The following ZFYVE27 variants were observed in gnomAD, a reference collection of about 807,000 sequenced individuals.
ZFYVE27 encodes the protein protrudin.
Under a neutral mutation model 52.8 loss-of-function variants are expected in ZFYVE27, and 36 were observed. That is an observed-to-expected ratio of 0.68 (90% CI 0.52 to 0.90). The LOEUF (loss-of-function observed/expected upper bound fraction) is 0.90. Among genes scored for constraint, ZFYVE27 ranks in the 40% least tolerant of loss-of-function variants. The probability of loss-of-function intolerance (pLI) is 0.00; values close to 1 mark genes in which losing one functional copy is unlikely to be tolerated. For missense variants in ZFYVE27, 450 were observed against 527.2 expected (o/e 0.85, Z 1.43); for synonymous variants, 223 against 215.6 (o/e 1.03, Z -0.30).
intron 3 of ZFYVE27, among the ~76,000 whole-genome samples, chr10:97,744,165 T>C (rs2044520682): frequency 6.6e-6 from 1 of 152,258 alleles, no homozygotes; most frequent in Admixed American, 6.5e-5. Flanking sequence ...GACAGATGTT[T>C]AGTAAGCATT....
chr10:97,739,088 A>C (rs2042877184), intron 2 of ZFYVE27, among the ~76,000 whole-genome samples: 1 of 127,272 alleles, frequency 7.9e-6, no homozygotes. Context: ...ATAAGCAGAT[A>C]CCATTTTCAC....
intron 4 of ZFYVE27, 133 bp from the exon 5 acceptor site, chr10:97,748,136 C>A (rs1022116963): frequency 1.1e-5 from 9 of 853,450 alleles, no homozygotes; most frequent in Admixed American, 2.0e-5. Flanking sequence ...TCTCTCGACT[C>A]CTCTCTCTTT....
rs12244954 is a variant in ZFYVE27, at chr10:97,758,568, C to T, written c.1172-668C>T. On this transcript the variant is annotated intron_variant, in intron 12 of 12. Transcript: ENST00000684270. ...AACTCCTGACCTCAGGTGATCTGCC[C>T]GCCTCGGCCTCCCAAAGTGCTGGGA... Among the ~76,000 whole-genome samples the T allele has an allele frequency of 3.5e-3, 530 of 152,186 alleles. 4 individuals carry two copies. The highest frequency in any genetic ancestry group is 0.022 in the South Asian group (108 of 4,828).
intron 4 of ZFYVE27, among the ~76,000 whole-genome samples, chr10:97,746,017 A>G (rs1308962513): frequency 1.4e-5 from 2 of 142,930 alleles, no homozygotes; most frequent in African/African-American, 5.3e-5. Flanking sequence ...ATAGTTTTAT[A>G]TATATATACA....
chr10:97,739,892 T>TGTTTTTTG (rs1386575374), intron 2 of ZFYVE27, among the ~76,000 whole-genome samples: 6 of 151,786 alleles, frequency 4.0e-5, no homozygotes, highest in African/African-American at 1.2e-4. Context: ...AGTGTTTTTT[T>TGTTTTTTG]TTTTTTTTGC....
intron 10 of ZFYVE27, among the ~76,000 whole-genome samples, chr10:97,756,036 G>T (rs1039280022): frequency 1.3e-5 from 2 of 152,208 alleles, no homozygotes; most frequent in African/African-American, 4.8e-5. Flanking sequence ...CCACTTGGCT[G>T]CCCTGGGGTG....
intron 10 of ZFYVE27, 188 bp from the exon 11 acceptor site, chr10:97,757,075 CAG>C: frequency 8.8e-6 from 6 of 683,558 alleles, no homozygotes; most frequent in Non-Finnish European, 1.5e-5. Flanking sequence ...CATCAGTCCT[CAG>C]GGGCTATCAG....
At chr10:97,738,988 T>A in intron 2 of ZFYVE27, 1 of 296,480 alleles carries the variant, frequency 3.4e-6, no homozygotes. Context: ...AGGCTTAATT[T>A]TTTCCTTTGC....
chr10:97,759,524 C>A lies in ZFYVE27; in HGVS notation c.*224C>A. ...CTCTCAATCCCTTGAGGGAGAAGAG[C>A]CCCTGGAGGGCCTGGCATGTTTGTC... On this transcript the variant is annotated 3_prime_UTR_variant, in exon 13 of 13. Coordinates refer to ENST00000684270, the MANE Select transcript of ZFYVE27 (RefSeq NM_001385875.1). 1.6e-6 allele frequency: 1 copy of A among 616,632 alleles called. No homozygotes were observed. The highest frequency in any genetic ancestry group is 1.8e-5 in the South Asian group (1 of 55,912). The allele number at this position is 616,632 out of a possible 1,614,324, so 38.2% of individuals were successfully genotyped here. A position where few individuals can be genotyped will look rare whatever the true frequency, so the allele number is the denominator to read the frequency against.
intron 12 of ZFYVE27, 30 bp downstream of exon 12, chr10:97,757,753 G>A (rs369298275): frequency 8.4e-5 from 136 of 1,610,118 alleles, no homozygotes; most frequent in Non-Finnish European, 1.1e-4. Flanking sequence ...GGAGGGCTTG[G>A]TTGGTATCCC....
Position 97,750,316 on chromosome 10 carries a change from C to T in ZFYVE27, c.665-15C>T, listed in dbSNP as rs371746706. 1.9e-6 allele frequency: 3 copies of T among 1,613,722 alleles called. No homozygotes were observed. In the African/African-American group the frequency reaches 4.0e-5, roughly 22 times the overall value. On this transcript the variant is annotated splice_polypyrimidine_tract_variant and intron_variant, in intron 6 of 12. Coordinates refer to ENST00000684270, the MANE Select transcript of ZFYVE27 (RefSeq NM_001385875.1). ...TCATTTTTGCCTCCTACCTTGTTCT[C>T]CATTCCCTGGGTAGTTGTGTCTGAG... is the stretch of plus-strand genomic sequence containing the variant.
In ZFYVE27 at chr10:97,745,422, G is replaced by A. The variant is rs566689526; in HGVS notation, c.455+507G>A. ...TCTCGATCTCTTGACCTTGTGATCC[G>A]CCCGCCTCGGCCTCCCAAAATGCTG... On this transcript the variant is annotated intron_variant, in intron 4 of 12. Transcript: ENST00000684270. Among the ~76,000 whole-genome samples, 271 of 151,960 alleles carry A rather than the reference G, an allele frequency of 1.8e-3. 4 individuals are homozygous for A. Among genetic ancestry groups the A allele is most frequent in the African/African-American group, 6.0e-3 (248 of 41,354 alleles).
chr10:97,751,275 T>G, intron 7 of ZFYVE27, 116 bp from the exon 8 acceptor site: 1 of 1,138,228 alleles, frequency 8.8e-7, no homozygotes, highest in Non-Finnish European at 1.3e-6. Context: ...TTTCTTGCCA[T>G]TGTGCCATTT....
Position 97,759,824 on chromosome 10 carries a change from ATTTCCCCAT to A in ZFYVE27, c.*525_*533del. On this transcript the variant is annotated 3_prime_UTR_variant, in exon 13 of 13. Transcript: ENST00000684270. ...TCCCTCCAGGCACCAGGATCTCATC[ATTTCCCCAT>A]CAGAGGGTGTGGCCAGGCCTAACAA... 5.4e-6 allele frequency: 1 copy of A among 185,954 alleles called. No homozygotes were observed. The highest frequency in any genetic ancestry group is 1.2e-4 in the South Asian group (1 of 8,548). 11.5% of individuals were successfully genotyped at this position (185,954 alleles called of 1,614,324 possible). A position where few individuals can be genotyped will look rare whatever the true frequency, so the allele number is the denominator to read the frequency against.
chr10:97,759,136 G>C (rs577993065), intron 12 of ZFYVE27, 100 bp from the exon 13 acceptor site: 3 of 1,265,692 alleles, frequency 2.4e-6, no homozygotes, highest in Admixed American at 1.8e-5. Flanking sequence ...GGGCTGGGTG[G>C]GGGGTCTGTG....
intron 4 of ZFYVE27, among the ~76,000 whole-genome samples, chr10:97,745,464 C>T (rs1284117134): frequency 1.3e-5 from 2 of 152,176 alleles, no homozygotes; most frequent in African/African-American, 4.8e-5. Flanking sequence ...CAGGCGTGAG[C>T]CACCACGCCT....
At chr10:97,744,639 A>C in intron 3 of ZFYVE27, 90 bp from the exon 4 acceptor site, 3 of 1,482,182 alleles carry the variant, frequency 2.0e-6, no homozygotes, top group Non-Finnish European at 2.8e-6. Context: ...AGAGCCCTGG[A>C]GGAGGTGAGG....
In ZFYVE27 at chr10:97,756,181, C is replaced by T. The variant is rs570785197; in HGVS notation, c.1043-1084C>T. Among the ~76,000 whole-genome samples the T allele has an allele frequency of 9.9e-5, 15 of 152,282 alleles. No individual in the cohort carries two copies. In the South Asian group the frequency reaches 2.9e-3, roughly 29 times the overall value. ...GAGAGGCTGGGGCAGGCTGCCTTCCCCAAATTCTTGGTGTAGGGACAGAAT... is the reference window on the plus strand; with the variant it reads ...GAGAGGCTGGGGCAGGCTGCCTTCCTCAAATTCTTGGTGTAGGGACAGAAT... On this transcript the variant is annotated intron_variant, in intron 10 of 12. Transcript: ENST00000684270.
chr10:97,747,676 T>A lies in ZFYVE27; in HGVS notation c.456-593T>A, dbSNP rs1245731557. Reference sequence around the variant, plus strand: ...CTCTTGTTTGCATTGGTCCCTGTCATTTTTGAATGCTTCCTTTATGGTACA... The same window carrying A: ...CTCTTGTTTGCATTGGTCCCTGTCAATTTTGAATGCTTCCTTTATGGTACA... On this transcript the variant is annotated intron_variant, in intron 4 of 12. Transcript: ENST00000684270. 2.0e-5 allele frequency among the ~76,000 whole-genome samples: 3 copies of A among 152,308 alleles called. No homozygotes were observed. In the East Asian group the frequency reaches 5.8e-4, roughly 29 times the overall value.
Sources: gnomAD v4.1 joint callset for allele counts (sites outside exome capture counted in the v4.1 genomes callset) on GRCh38, gnomAD v4.1.1 for gene constraint, MANE v1.5 for transcripts, NCBI Gene and HGNC (gene_info 2026-07-23, HGNC 2026-07-21) for gene names.